Variants in LRRTM4 observed in about 807,000 individuals in gnomAD.
The protein encoded by LRRTM4 is leucine rich repeat transmembrane neuronal 4.
LRRTM4 carries 25 observed loss-of-function variants against 47.6 expected under a neutral mutation model. That is an observed-to-expected ratio of 0.53 (90% CI 0.38 to 0.73). The LOEUF is 0.73. LRRTM4 is among the 30% of genes least tolerant of loss of function. The pLI is 0.00. For synonymous variants in LRRTM4, 311 were observed against 269.5 expected, an observed-to-expected ratio of 1.15 and a Z score of -1.51; for missense variants, 638 against 713.4, an observed-to-expected ratio of 0.89 and a Z score of 1.20.
At chr2:77,053,516 G>C (rs1182623130) in intron 3 of LRRTM4, among the ~76,000 whole-genome samples, 1 of 152,094 alleles carries the variant, frequency 6.6e-6, no homozygotes, top group Admixed American at 6.5e-5. Context: ...TACATTTAAA[G>C]TTTGCTTTGT....
At chr2:77,286,504 C>A (rs2104114524) in intron 3 of LRRTM4, among the ~76,000 whole-genome samples, 1 of 151,634 alleles carries the variant, frequency 6.6e-6, no homozygotes, top group Admixed American at 6.6e-5. Flanking sequence ...ACATTTTGGC[C>A]TTTAAGCATC....
chr2:77,105,748 A>T (rs1018097695), intron 3 of LRRTM4, among the ~76,000 whole-genome samples: 39 of 152,196 alleles, frequency 2.6e-4, no homozygotes, highest in African/African-American at 8.4e-4. Flanking sequence ...ACAAAATAAA[A>T]AGAGGGATTG....
At chr2:77,120,228 G>T (rs1671491037) in intron 3 of LRRTM4, among the ~76,000 whole-genome samples, 2 of 151,768 alleles carry the variant, frequency 1.3e-5, no homozygotes, top group Admixed American at 1.3e-4. Flanking sequence ...TTTCCAGAGA[G>T]CGGGAATACA....
chr2:76,792,735 T>G (rs1017068590), intron 3 of LRRTM4, among the ~76,000 whole-genome samples: 2 of 152,084 alleles, frequency 1.3e-5, no homozygotes, highest in Non-Finnish European at 2.9e-5. Flanking sequence ...AGTACATTTT[T>G]CCTGTAAATG....
chr2:77,047,217 C>G (rs73940250), intron 3 of LRRTM4, among the ~76,000 whole-genome samples: 1,878 of 152,024 alleles, frequency 0.012, 36 homozygotes, highest in African/African-American at 0.036. Context: ...ATGAACTGAG[C>G]CTTACTCAGT....
intron 3 of LRRTM4, among the ~76,000 whole-genome samples, chr2:77,018,368 C>A (rs956737439): frequency 6.9e-6 from 1 of 145,030 alleles, no homozygotes; most frequent in Non-Finnish European, 1.5e-5. Context: ...CCTAAGGGTT[C>A]TTTTGTTTGC....
At chr2:77,395,148 T>C (rs992772123) in intron 3 of LRRTM4, among the ~76,000 whole-genome samples, 1 of 151,918 alleles carries the variant, frequency 6.6e-6, no homozygotes, top group African/African-American at 2.4e-5. Flanking sequence ...TCTTATGATC[T>C]CTAATTTAAC....
At chr2:76,879,361 T>C (rs997416656) in intron 3 of LRRTM4, among the ~76,000 whole-genome samples, 3 of 152,196 alleles carry the variant, frequency 2.0e-5, no homozygotes, top group Non-Finnish European at 4.4e-5. Context: ...TCATTTACCA[T>C]TCCTAAAATT....
intron 3 of LRRTM4, among the ~76,000 whole-genome samples, chr2:76,872,484 T>C (rs566436289): frequency 1.3e-5 from 2 of 152,058 alleles, no homozygotes; most frequent in South Asian, 4.2e-4. Context: ...CCATAACCCA[T>C]GTATGGCTTT....
At position 76,958,169 on chromosome 2, in the gene LRRTM4, AT is replaced by A. The variant is rs1380810113; in HGVS notation, c.1552-209254del. 3.4e-4 allele frequency among the ~76,000 whole-genome samples: 52 copies of A among 151,930 alleles called. 1 individual carries two copies. The highest frequency in any genetic ancestry group is 3.4e-3 in the Admixed American group (52 of 15,216). On this transcript the variant is annotated intron_variant, in intron 3 of 3. Coordinates refer to ENST00000409884, the MANE Select transcript of LRRTM4 (RefSeq NM_001134745.3). ...TAGTTTGACATCAAATATTTATAGA[AT>A]AGCTAACCTCTTGCACTCAGTGGCC...
chr2:77,252,256 T>C (rs952347077), intron 3 of LRRTM4, among the ~76,000 whole-genome samples: 2 of 152,172 alleles, frequency 1.3e-5, no homozygotes, highest in African/African-American at 2.4e-5. Context: ...GGTCATCAGA[T>C]ACCTTAGATG....
At chr2:76,964,947 A>C (rs1675976022) in intron 3 of LRRTM4, among the ~76,000 whole-genome samples, 1 of 150,924 alleles carries the variant, frequency 6.6e-6, no homozygotes, top group South Asian at 2.1e-4. Flanking sequence ...ATTTAGGTAA[A>C]ATTAATACAA....
At chr2:77,066,307 G>A (rs564085910) in intron 3 of LRRTM4, among the ~76,000 whole-genome samples, 2 of 152,250 alleles carry the variant, frequency 1.3e-5, no homozygotes, top group African/African-American at 4.8e-5. Context: ...TGAGTCTGTT[G>A]TATTAAGTGG....
chr2:77,472,191 G>C (rs1337368146), intron 3 of LRRTM4, among the ~76,000 whole-genome samples: 2 of 152,140 alleles, frequency 1.3e-5, no homozygotes, highest in African/African-American at 4.8e-5. Context: ...GTGTGGTCTA[G>C]TGTTGCTCAG....
chr2:76,964,974 A>T (rs547993937), intron 3 of LRRTM4, among the ~76,000 whole-genome samples: 1 of 135,438 alleles, frequency 7.4e-6, no homozygotes, highest in East Asian at 2.3e-4. Context: ...GAAAGATATA[A>T]ATGCCCAAAA....
intron 3 of LRRTM4, among the ~76,000 whole-genome samples, chr2:76,942,149 TTGG>T (rs1675166893): frequency 6.6e-6 from 1 of 152,178 alleles, no homozygotes; most frequent in African/African-American, 2.4e-5. Flanking sequence ...TGCCCACTTT[TTGG>T]TGGTGTTTTT....
At chr2:77,033,760 T>C (rs780849048) in intron 3 of LRRTM4, among the ~76,000 whole-genome samples, 10 of 151,900 alleles carry the variant, frequency 6.6e-5, no homozygotes, top group Non-Finnish European at 1.0e-4. Context: ...TGTTTTATGC[T>C]ATATATGTGG....
chr2:76,786,327 G>C (rs1299281813), intron 3 of LRRTM4, among the ~76,000 whole-genome samples: 1 of 151,802 alleles, frequency 6.6e-6, no homozygotes, highest in Admixed American at 6.6e-5. Context: ...ATAACAGATA[G>C]AACAAAGCAA....
chr2:77,386,002 C>A (rs540963695), intron 3 of LRRTM4, among the ~76,000 whole-genome samples: 47 of 152,038 alleles, frequency 3.1e-4, no homozygotes, highest in Admixed American at 7.9e-4. Context: ...GGTGATCCAA[C>A]CACCTCGGCC....
Sources: gnomAD v4.1 joint callset for allele counts (sites outside exome capture counted in the v4.1 genomes callset) on GRCh38, gnomAD v4.1.1 for gene constraint, MANE v1.5 for transcripts, NCBI Gene and HGNC (gene_info 2026-07-23, HGNC 2026-07-21) for gene names.